The following ARHGAP29 variants were observed in gnomAD, a reference collection of about 807,000 sequenced individuals.
The protein encoded by ARHGAP29 is Rho GTPase activating protein 29, also known as rho GTPase-activating protein 29.
A neutral mutation model predicts 122.6 loss-of-function variants in ARHGAP29; 43 were observed. The ratio of observed to expected loss-of-function variants is 0.35; its 90% CI spans 0.27 to 0.45. ARHGAP29 has a LOEUF of 0.45. Ranked by LOEUF, ARHGAP29 falls within the 20% of genes least tolerant of loss-of-function variation. The pLI is 1.00. For synonymous variants in ARHGAP29, 506 were observed against 497.1 expected, an observed-to-expected ratio of 1.02 and a Z score of -0.24; for missense variants, 1,303 against 1,477.2, an observed-to-expected ratio of 0.88 and a Z score of 1.93.
the ARHGAP29 span, among the ~76,000 whole-genome samples, chr1:94,295,097 GA>G: frequency 6.6e-6 from 1 of 152,182 alleles, no homozygotes; most frequent in South Asian, 2.1e-4. Context: ...ATTACTAGGG[GA>G]AAGGGAGAAC....
At chr1:94,208,940 T>C in intron 4 of ARHGAP29, 36 bp from the exon 5 acceptor site, 2 of 1,564,000 alleles carry the variant, frequency 1.3e-6, no homozygotes. Flanking sequence ...AGACAAGTCA[T>C]TATACTTCTT....
intron 5 of ARHGAP29, 41 bp from the exon 6 acceptor site, chr1:94,205,724 A>G (rs1391301080): frequency 6.4e-7 from 1 of 1,574,322 alleles, no homozygotes; most frequent in South Asian, 1.1e-5. Flanking sequence ...TTAGAGAAGA[A>G]CACAAATCTT....
chr1:94,231,361 AT>A (rs749715810), intron 2 of ARHGAP29, 45 bp downstream of exon 2: 6 of 1,543,954 alleles, frequency 3.9e-6, no homozygotes, highest in Non-Finnish European at 5.4e-6. Flanking sequence ...AGCATTTAAA[AT>A]TTTACAAACT....
At chr1:94,244,566 G>T (rs1230492385) in intron 1 of ARHGAP29, among the ~76,000 whole-genome samples, 1 of 151,968 alleles carries the variant, frequency 6.6e-6, no homozygotes, top group Non-Finnish European at 1.5e-5. Context: ...AGCCAGTACA[G>T]TAAGACAAGA....
chr1:94,251,903 A>AT (rs1654112819), intron 1 of ARHGAP29, among the ~76,000 whole-genome samples: 1 of 152,070 alleles, frequency 6.6e-6, no homozygotes, highest in African/African-American at 2.4e-5. Context: ...TTATTTACAG[A>AT]TTTTTTAAAT....
intron 1 of ARHGAP29, among the ~76,000 whole-genome samples, chr1:94,251,778 T>C (rs1011700815): frequency 1.3e-5 from 2 of 152,212 alleles, no homozygotes; most frequent in African/African-American, 2.4e-5. Context: ...ATTATTGACA[T>C]GTTCCTTGAC....
At chr1:94,237,740 C>G (rs1653392686), upstream of ARHGAP29, 1 of 985,304 alleles carries the variant, frequency 1.0e-6, no homozygotes, top group Non-Finnish European at 1.2e-6. Flanking sequence ...AGAACGCGAC[C>G]GTCAGTTGCG....
chr1:94,273,977 C>T (rs566500397), intron 1 of ARHGAP29, among the ~76,000 whole-genome samples: 1 of 152,042 alleles, frequency 6.6e-6, no homozygotes, highest in African/African-American at 2.4e-5. Flanking sequence ...TACTGAACAC[C>T]TAGTATGGGC....
At chr1:94,185,833 C>G (rs1649766042) in intron 16 of ARHGAP29, among the ~76,000 whole-genome samples, 2 of 152,090 alleles carry the variant, frequency 1.3e-5, no homozygotes, top group African/African-American at 2.4e-5. Flanking sequence ...AAAAGCCCCT[C>G]TAAACAAAGA....
At chr1:94,238,943 C>T (rs1401562757), upstream of ARHGAP29, among the ~76,000 whole-genome samples, 2 of 152,100 alleles carry the variant, frequency 1.3e-5, no homozygotes, top group Admixed American at 6.6e-5. Context: ...AATTTGGCTC[C>T]TCAGGTGCTA....
intron 2 of ARHGAP29, among the ~76,000 whole-genome samples, chr1:94,229,953 A>G (rs2101610504): frequency 6.6e-6 from 1 of 151,822 alleles, no homozygotes; most frequent in South Asian, 2.1e-4. Context: ...AAAAACAAAT[A>G]GAAATCTTAA....
At chr1:94,288,311 G>T in the ARHGAP29 span, among the ~76,000 whole-genome samples, 1 of 152,262 alleles carries the variant, frequency 6.6e-6, no homozygotes, top group Admixed American at 6.5e-5. Flanking sequence ...AGAAGTGTCT[G>T]TTCGTATCCT....
the ARHGAP29 span, among the ~76,000 whole-genome samples, chr1:94,296,079 A>C: frequency 1.5e-4 from 23 of 152,182 alleles, no homozygotes; most frequent in Admixed American, 6.5e-5. Flanking sequence ...CCAAGGTTTC[A>C]GTTACCCATG....
intron 2 of ARHGAP29, among the ~76,000 whole-genome samples, chr1:94,226,902 C>G (rs574094606): frequency 2.5e-4 from 38 of 151,962 alleles, no homozygotes; most frequent in African/African-American, 8.4e-4. Context: ...CTTAATGTTT[C>G]TAATATTTCA....
At chr1:94,195,721 A>T (rs763008453) in intron 12 of ARHGAP29, 75 of 151,738 alleles carry the variant, frequency 4.9e-4, no homozygotes, top group African/African-American at 8.5e-4. Context: ...ATAGATTTTT[A>T]AAAAAAATCA....
upstream of ARHGAP29, among the ~76,000 whole-genome samples, chr1:94,278,398 A>G (rs1354613435): frequency 6.6e-6 from 1 of 152,236 alleles, no homozygotes; most frequent in Non-Finnish European, 1.5e-5. Context: ...TACTGATAAC[A>G]TACCCAATTC....
the ARHGAP29 span, among the ~76,000 whole-genome samples, chr1:94,300,019 A>G: frequency 6.6e-6 from 1 of 152,184 alleles, no homozygotes; most frequent in Non-Finnish European, 1.5e-5. Context: ...CAGAGATAGA[A>G]GTCTTATGAA....
chr1:94,282,255 C>CTTTATTTA, the ARHGAP29 span, among the ~76,000 whole-genome samples: 299 of 141,484 alleles, frequency 2.1e-3, 1 homozygote, highest in East Asian at 8.2e-3. Context: ...AGTGATAGTG[C>CTTTATTTA]TTTATTTATT....
At chr1:94,177,815 C>A (rs1649199880) in intron 21 of ARHGAP29, 37 bp downstream of exon 21, 1 of 1,554,558 alleles carries the variant, frequency 6.4e-7, no homozygotes, top group Admixed American at 1.9e-5. Context: ...ATAAATATTA[C>A]AAAGTTCTAA....
Sources: allele counts gnomAD v4.1 joint callset (sites outside exome capture counted in the v4.1 genomes callset), GRCh38; gene constraint gnomAD v4.1.1; transcripts MANE v1.5; gene names NCBI Gene and HGNC (gene_info 2026-07-23, HGNC 2026-07-21).